The following PDE10A variants were observed in gnomAD, a reference collection of about 807,000 sequenced individuals.
PDE10A encodes cAMP and cAMP-inhibited cGMP 3',5'-cyclic phosphodiesterase 10A.
A neutral mutation model predicts 97.7 loss-of-function variants in PDE10A; 39 were observed. The ratio of observed to expected loss-of-function variants is 0.40; its 90% CI spans 0.31 to 0.52. The LOEUF is 0.52. Ranked by LOEUF, PDE10A falls within the 20% of genes least tolerant of loss-of-function variation. PDE10A has a pLI of 0.56. For synonymous variants in PDE10A, 371 were observed against 376.8 expected, an observed-to-expected ratio of 0.98 and a Z score of 0.18; for missense variants, 731 against 1,047.8, an observed-to-expected ratio of 0.70 and a Z score of 4.17.
chr6:165,790,316 A>C (rs1444062576), intron 1 of PDE10A, among the ~76,000 whole-genome samples: 1 of 152,150 alleles, frequency 6.6e-6, no homozygotes, highest in African/African-American at 2.4e-5. Flanking sequence ...GAAAGAGAGG[A>C]GGTAGAAAGG....
At chr6:165,770,913 C>T (rs1325707043) in intron 1 of PDE10A, among the ~76,000 whole-genome samples, 1 of 152,194 alleles carries the variant, frequency 6.6e-6, no homozygotes, top group African/African-American at 2.4e-5. Context: ...CGGCCATTGT[C>T]CCCCCATTCA....
At chr6:165,923,902 G>T (rs1016328671) in intron 1 of PDE10A, among the ~76,000 whole-genome samples, 2 of 152,144 alleles carry the variant, frequency 1.3e-5, no homozygotes, top group Non-Finnish European at 2.9e-5. Flanking sequence ...GCTTTAGAAA[G>T]AATAAGACCA....
At chr6:165,695,411 G>A (rs780035940) in intron 1 of PDE10A, among the ~76,000 whole-genome samples, 20 of 152,180 alleles carry the variant, frequency 1.3e-4, no homozygotes, top group Non-Finnish European at 2.6e-4. Flanking sequence ...GAGGTGGGGA[G>A]TCCATGCCAA....
At chr6:165,446,095 C>T (rs1349652987) in intron 5 of PDE10A, among the ~76,000 whole-genome samples, 2 of 151,920 alleles carry the variant, frequency 1.3e-5, no homozygotes, top group Non-Finnish European at 2.9e-5. Context: ...AATAAAAAAC[C>T]ATAATGAAAA....
intron 1 of PDE10A, among the ~76,000 whole-genome samples, chr6:165,626,410 T>G (rs1183797975): frequency 6.6e-6 from 1 of 152,210 alleles, no homozygotes; most frequent in Non-Finnish European, 1.5e-5. Flanking sequence ...AAGAAAACTT[T>G]TAAATAAATC....
chr6:165,863,470 C>T (rs539384038), intron 1 of PDE10A, among the ~76,000 whole-genome samples: 1 of 152,258 alleles, frequency 6.6e-6, no homozygotes, highest in Non-Finnish European at 1.5e-5. Context: ...ATATAACTAC[C>T]TTTTAATGTT....
intron 1 of PDE10A, among the ~76,000 whole-genome samples, chr6:165,562,470 G>A (rs1784566398): frequency 6.6e-6 from 1 of 152,082 alleles, no homozygotes; most frequent in Non-Finnish European, 1.5e-5. Context: ...AAAATCTAGA[G>A]AATATCAAAA....
intron 1 of PDE10A, among the ~76,000 whole-genome samples, chr6:165,856,651 T>C (rs753196700): frequency 1.1e-4 from 16 of 152,346 alleles, no homozygotes; most frequent in Middle Eastern, 3.4e-3. Flanking sequence ...ATACACGTTG[T>C]TAGTTAAATA....
intron 17 of PDE10A, among the ~76,000 whole-genome samples, chr6:165,384,631 A>AGTGTGTGT (rs57175607): frequency 0.031 from 2,106 of 66,954 alleles, 73 homozygotes; most frequent in African/African-American, 0.1. Context: ...TGTGTGAGTG[A>AGTGTGTGT]GTGTGTGTGT....
chr6:165,587,945 A>T (rs978530571), intron 1 of PDE10A, among the ~76,000 whole-genome samples: 1 of 152,198 alleles, frequency 6.6e-6, no homozygotes, highest in African/African-American at 2.4e-5. Context: ...CCAAAGCAAG[A>T]TTCATTACGA....
At position 165,345,950 on chromosome 6, in the gene PDE10A, G is replaced by A. The variant is rs541870964; in HGVS notation, c.2784-2448C>T. Among the ~76,000 whole-genome samples the A allele has an allele frequency of 8.5e-5, 13 of 152,182 alleles. 1 individual carries two copies. Among genetic ancestry groups the A allele is most frequent in the Admixed American group, 5.9e-4 (9 of 15,276 alleles). On this transcript the variant is annotated intron_variant, in intron 18 of 21. Transcript: ENST00000539869. ...GAAGGTCCAGCAGAGAGGAGTGCAC[G>A]TGAAGTCCTAATGTGGAAACAAGCA...
chr6:165,644,509 G>T (rs751014487), intron 1 of PDE10A, among the ~76,000 whole-genome samples: 5 of 152,214 alleles, frequency 3.3e-5, no homozygotes, highest in Non-Finnish European at 5.9e-5. Flanking sequence ...AGAGGTAAGG[G>T]CAACAGGCAG....
At chr6:165,470,360 G>T (rs1488033228) in intron 3 of PDE10A, among the ~76,000 whole-genome samples, 1 of 152,138 alleles carries the variant, frequency 6.6e-6, no homozygotes, top group African/African-American at 2.4e-5. Context: ...TTTGAACACT[G>T]AACCACATTA....
At chr6:165,510,335 G>C (rs1259461253) in intron 2 of PDE10A, among the ~76,000 whole-genome samples, 2 of 151,838 alleles carry the variant, frequency 1.3e-5, no homozygotes, top group Admixed American at 6.6e-5. Context: ...ATGTATATTG[G>C]TTTGCATATC....
At chr6:165,619,244 GTAGTGTAGTC>G (rs1200954522) in intron 1 of PDE10A, among the ~76,000 whole-genome samples, 1 of 139,984 alleles carries the variant, frequency 7.1e-6, no homozygotes, top group Non-Finnish European at 1.5e-5. Flanking sequence ...CTAGTGTGGT[GTAGTGTAGTC>G]TAGTGTAGTG....
chr6:165,976,848 C>T (rs557233157), intron 1 of PDE10A, among the ~76,000 whole-genome samples: 1 of 152,326 alleles, frequency 6.6e-6, no homozygotes, highest in East Asian at 1.9e-4. Flanking sequence ...CCTCCTCGGG[C>T]TGTGCGCCAT....
At chr6:165,866,320 T>A (rs1291675193) in intron 1 of PDE10A, among the ~76,000 whole-genome samples, 2 of 151,712 alleles carry the variant, frequency 1.3e-5, no homozygotes, top group African/African-American at 2.4e-5. Context: ...TCTAACTCAG[T>A]GTTTTTTGAC....
chr6:165,960,183 C>A (rs1562328615), intron 1 of PDE10A, among the ~76,000 whole-genome samples: 3 of 151,962 alleles, frequency 2.0e-5, no homozygotes, highest in African/African-American at 4.8e-5. Context: ...CAATGAGAAT[C>A]AATAAAGATC....
intron 1 of PDE10A, among the ~76,000 whole-genome samples, chr6:165,743,088 G>C (rs893411573): frequency 1.2e-4 from 18 of 152,134 alleles, no homozygotes; most frequent in Non-Finnish European, 5.9e-5. Context: ...GCTGGCATTC[G>C]TCGCTAGTGG....
Sources: gnomAD v4.1 joint callset for allele counts (sites outside exome capture counted in the v4.1 genomes callset) on GRCh38, gnomAD v4.1.1 for gene constraint, MANE v1.5 for transcripts, NCBI Gene and HGNC (gene_info 2026-07-23, HGNC 2026-07-21) for gene names.